PDE10A: variants seen among roughly 807,000 people sequenced by gnomAD.
The protein encoded by PDE10A is phosphodiesterase 10A.
Under a neutral mutation model 97.7 loss-of-function variants are expected in PDE10A, and 39 were observed. That is an observed-to-expected ratio of 0.40 (90% confidence interval 0.31 to 0.52). The LOEUF (loss-of-function observed/expected upper bound fraction) is 0.52, where lower values mean the gene tolerates loss of function less well. Among genes scored for constraint, PDE10A ranks in the 20% least tolerant of loss-of-function variants. The probability of loss-of-function intolerance (pLI) is 0.56; values close to 1 mark genes in which losing one functional copy is unlikely to be tolerated. For missense variants in PDE10A, 731 were observed against 1,047.8 expected, an observed-to-expected ratio of 0.70 and a Z score of 4.17; for synonymous variants, 371 against 376.8, an observed-to-expected ratio of 0.98 and a Z score of 0.18.
chr6:165,489,021 A>G (rs1780077899), intron 2 of PDE10A, among the ~76,000 whole-genome samples: 1 of 152,056 alleles, frequency 6.6e-6, no homozygotes, highest in Non-Finnish European at 1.5e-5. Context: ...CACCCTGCCC[A>G]TCGCTGTAGA....
intron 18 of PDE10A, among the ~76,000 whole-genome samples, chr6:165,354,805 G>A (rs962839631): frequency 6.6e-6 from 1 of 152,302 alleles, no homozygotes; most frequent in South Asian, 2.1e-4. Flanking sequence ...GTTTCCAATA[G>A]CCATGAAGGC....
intron 1 of PDE10A, chr6:165,939,382 T>G (rs576788280): frequency 2.0e-5 from 3 of 152,354 alleles, no homozygotes; most frequent in African/African-American, 7.2e-5. Context: ...TTAAAACGTT[T>G]GCATAGACAC....
intron 3 of PDE10A, among the ~76,000 whole-genome samples, chr6:165,453,265 G>A (rs1010321928): frequency 7.9e-5 from 12 of 152,234 alleles, no homozygotes; most frequent in Non-Finnish European, 1.6e-4. Flanking sequence ...TAAAAGGGAA[G>A]CAGAATGGAA....
At chr6:165,354,878 C>T (rs145433565) in intron 18 of PDE10A, among the ~76,000 whole-genome samples, 1 of 152,216 alleles carries the variant, frequency 6.6e-6, no homozygotes, top group African/African-American at 2.4e-5. Context: ...TCTCATATGA[C>T]AGCAAAGAAT....
chr6:165,912,015 C>T (rs1273064362), intron 1 of PDE10A, among the ~76,000 whole-genome samples: 1 of 151,606 alleles, frequency 6.6e-6, no homozygotes, highest in African/African-American at 2.4e-5. Flanking sequence ...TTCTCTCTCT[C>T]CATCTATCTC....
intron 1 of PDE10A, among the ~76,000 whole-genome samples, chr6:165,868,178 A>T (rs879923296): frequency 4.6e-5 from 7 of 152,082 alleles, no homozygotes; most frequent in Admixed American, 4.6e-4. Flanking sequence ...ATTAGAGTAG[A>T]ACTAAACAAA....
intron 1 of PDE10A, among the ~76,000 whole-genome samples, chr6:165,941,183 C>T (rs1783505220): frequency 6.6e-6 from 1 of 152,122 alleles, no homozygotes; most frequent in African/African-American, 2.4e-5. Context: ...TTTACACACC[C>T]CATAGGGTTG....
At chr6:165,687,556 A>T (rs988295551) in intron 1 of PDE10A, among the ~76,000 whole-genome samples, 4 of 152,226 alleles carry the variant, frequency 2.6e-5, no homozygotes, top group Admixed American at 1.3e-4. Context: ...GACTCTCAGT[A>T]TTTGGATAGT....
At chr6:165,477,607 C>G (rs1049405930) in intron 3 of PDE10A, among the ~76,000 whole-genome samples, 1 of 152,164 alleles carries the variant, frequency 6.6e-6, no homozygotes, top group African/African-American at 2.4e-5. Context: ...CACAATCTCA[C>G]ATTATTCTCA....
At chr6:165,563,197 C>T (rs1583547344) in intron 1 of PDE10A, among the ~76,000 whole-genome samples, 2 of 98,952 alleles carry the variant, frequency 2.0e-5, no homozygotes, top group South Asian at 3.1e-4. Context: ...AGGGGAGAGG[C>T]AAGGGAGGGG....
At chr6:165,518,776 C>T (rs1781966248) in intron 2 of PDE10A, among the ~76,000 whole-genome samples, 1 of 152,132 alleles carries the variant, frequency 6.6e-6, no homozygotes, top group South Asian at 2.1e-4. Flanking sequence ...TAAATCTGTG[C>T]TGGTTTGCCA....
At chr6:165,393,133 A>G (rs879071412) in intron 15 of PDE10A, among the ~76,000 whole-genome samples, 5 of 152,208 alleles carry the variant, frequency 3.3e-5, no homozygotes, top group Admixed American at 2.6e-4. Flanking sequence ...TAAACCCCAC[A>G]GTGCTCAAAA....
intron 2 of PDE10A, among the ~76,000 whole-genome samples, chr6:165,535,048 G>A (rs1215434678): frequency 6.6e-6 from 1 of 151,910 alleles, no homozygotes; most frequent in African/African-American, 2.4e-5. Context: ...AAAACATAAA[G>A]ACTTTAGCAA....
In PDE10A at chr6:165,711,789, G is replaced by A. The variant is rs1791901806; in HGVS notation, c.-614-168221C>T. Among the ~76,000 whole-genome samples the A allele has an allele frequency of 6.6e-6, 1 of 152,172 alleles. No individual in the cohort carries two copies. The highest frequency in any genetic ancestry group is 1.5e-5 in the Non-Finnish European group (1 of 68,038). ...AGCGAACCTCAAATGCATTTTTGTGGCAGTCATGCCTGTGTTATATTGTCT... is the reference window on the plus strand; with the variant it reads ...AGCGAACCTCAAATGCATTTTTGTGACAGTCATGCCTGTGTTATATTGTCT... On this transcript the variant is annotated intron_variant, in intron 1 of 19. Transcript: ENST00000366882. This position sits in a 1 kb window ranked among gnomAD's most constrained non-coding sequence, Gnocchi z 4.5.
At chr6:165,897,021 A>T (rs541456277) in intron 1 of PDE10A, among the ~76,000 whole-genome samples, 1 of 152,276 alleles carries the variant, frequency 6.6e-6, no homozygotes, top group East Asian at 1.9e-4. Flanking sequence ...TATAGAGGAG[A>T]CAGCTAACAA....
intron 10 of PDE10A, among the ~76,000 whole-genome samples, chr6:165,426,717 A>C (rs920740147): frequency 1.3e-5 from 2 of 152,204 alleles, no homozygotes; most frequent in African/African-American, 4.8e-5. Flanking sequence ...TTAGCAAAGC[A>C]ATTATGAGAC....
At chr6:165,707,017 C>T (rs1310329078) in intron 1 of PDE10A, among the ~76,000 whole-genome samples, 3 of 152,130 alleles carry the variant, frequency 2.0e-5, no homozygotes, top group African/African-American at 7.2e-5. Context: ...TGCTAGCATA[C>T]AAAAATTATA....
rs534392427 is a variant in PDE10A at position 165,972,359 on chromosome 6, G to A, written c.-615+15170C>T. ...CCTCCACACTCTCTCTGCTGGCCAC[G>A]GGCACCCAGTATGGCTCTCTTGTCT... On this transcript the variant is annotated intron_variant, in intron 1 of 19. Coordinates refer to the PDE10A transcript ENST00000366882. Among the ~76,000 whole-genome samples, 15 of 151,980 alleles carry A rather than the reference G, an allele frequency of 9.9e-5. No homozygotes were observed. The South Asian group carries it at 2.7e-3, about 27-fold the overall frequency.
chr6:165,776,857 C>T (rs182323668), intron 1 of PDE10A, among the ~76,000 whole-genome samples: 73 of 152,314 alleles, frequency 4.8e-4, no homozygotes, highest in Non-Finnish European at 6.3e-4. Context: ...AGGCTGAAAC[C>T]GTTGCCTGAG....
Sources: allele counts gnomAD v4.1 joint callset (sites outside exome capture counted in the v4.1 genomes callset), GRCh38; gene constraint gnomAD v4.1.1; non-coding constraint Gnocchi (gnomAD v3.1); transcripts MANE v1.5; gene names NCBI Gene and HGNC (gene_info 2026-07-23, HGNC 2026-07-21).